GCNT1: variants seen among roughly 807,000 people sequenced by gnomAD.
GCNT1 encodes the protein beta-1,3-galactosyl-O-glycosyl-glycoprotein beta-1,6-N-acetylglucosaminyltransferase.
GCNT1 carries 16 observed loss-of-function variants against 26.2 expected under a neutral mutation model. That is an observed-to-expected ratio of 0.61 (90% CI 0.41 to 0.93). The LOEUF (loss-of-function observed/expected upper bound fraction) is 0.93. Ranked by LOEUF, GCNT1 falls within the 40% of genes least tolerant of loss-of-function variation. The pLI is 0.00. For missense variants in GCNT1, 477 were observed against 526.7 expected (o/e 0.91, Z 0.92); for synonymous variants, 183 against 190.8 (o/e 0.96, Z 0.34).
the GCNT1 span, among the ~76,000 whole-genome samples, chr9:76,397,323 AAGG>A: frequency 3.3e-5 from 5 of 152,032 alleles, no homozygotes; most frequent in East Asian, 1.9e-4. Flanking sequence ...TAAAAAAAAA[AAGG>A]AGAGTCTTGT....
chr9:76,460,162 G>A lies in GCNT1; in HGVS notation c.-305G>A, dbSNP rs1823840642. 1 of 152,274 alleles carries A rather than the reference G, an allele frequency of 6.6e-6. No individual in the cohort carries two copies. Among genetic ancestry groups the A allele is most frequent in the Non-Finnish European group, 1.5e-5 (1 of 68,074 alleles). The allele number at this position is 152,274 out of a possible 1,614,324, so 9.4% of individuals were successfully genotyped here. ...GCCTGCAGATCCCGGCTAGGGCACGGACCGCCTAGGCCGAGGTAGGTTCTG... is the reference window on the plus strand; with the variant it reads ...GCCTGCAGATCCCGGCTAGGGCACGAACCGCCTAGGCCGAGGTAGGTTCTG... On this transcript the variant is annotated 5_prime_UTR_variant, in exon 2 of 4. Coordinates refer to ENST00000376730, the MANE Select transcript of GCNT1 (RefSeq NM_001490.5).
chr9:76,416,318 G>A (rs150363335), upstream of GCNT1, among the ~76,000 whole-genome samples: 1,422 of 152,250 alleles, frequency 9.3e-3, 23 homozygotes, highest in African/African-American at 0.031. Flanking sequence ...CCTTCACTCA[G>A]TAAAACCTCT....
the GCNT1 span, among the ~76,000 whole-genome samples, chr9:76,413,308 C>T: frequency 6.6e-6 from 1 of 152,146 alleles, no homozygotes; most frequent in Non-Finnish European, 1.5e-5. Context: ...GTGAGTGGGA[C>T]ACCTGGTCAC....
chr9:76,485,040 G>A (rs763015112), intron 2 of GCNT1, among the ~76,000 whole-genome samples: 17 of 152,100 alleles, frequency 1.1e-4, no homozygotes, highest in Non-Finnish European at 8.8e-5. Flanking sequence ...GCCCACCTTG[G>A]CCTCCCAAAG....
intron 2 of GCNT1, among the ~76,000 whole-genome samples, chr9:76,473,592 T>C (rs1824187819): frequency 6.6e-6 from 1 of 152,200 alleles, no homozygotes; most frequent in African/African-American, 2.4e-5. Flanking sequence ...ATAAAAACTC[T>C]AAGGTATATA....
intron 2 of GCNT1, among the ~76,000 whole-genome samples, chr9:76,465,924 G>A (rs777116676): frequency 2.6e-5 from 4 of 152,114 alleles, no homozygotes; most frequent in African/African-American, 7.2e-5. Context: ...GAGGAGGAGC[G>A]GGTTGGCACG....
chr9:76,502,536 A>G lies in GCNT1; in HGVS notation c.155A>G (p.Asn52Ser), dbSNP rs1422643932. Residue 52 changes from asparagine to serine, a missense_variant, in exon 4 of 4, where the codon AAT becomes AGT. Coordinates refer to ENST00000376730, the MANE Select transcript of GCNT1 (RefSeq NM_001490.5). ...SVRHLELAGE[N>S]PSSDINCTKV... ...AGACACTTGGAGCTTGCTGGGGAGA[A>G]TCCTAGTAGTGATATTAATTGCACC... 6.2e-7 allele frequency: 1 copy of G among 1,614,098 alleles called. No individual in the cohort carries two copies.
intron 1 of GCNT1, among the ~76,000 whole-genome samples, chr9:76,435,307 A>G (rs1823393064): frequency 6.6e-6 from 1 of 152,008 alleles, no homozygotes. Context: ...CTCTCTTTGT[A>G]GTCTTTCTCT....
chr9:76,485,843 C>T (rs1448522494), intron 2 of GCNT1, among the ~76,000 whole-genome samples: 1 of 152,136 alleles, frequency 6.6e-6, no homozygotes, highest in Non-Finnish European at 1.5e-5. Flanking sequence ...AGTGATTCTC[C>T]TGCCTCAGCC....
the GCNT1 span, among the ~76,000 whole-genome samples, chr9:76,395,528 A>C: frequency 6.6e-6 from 1 of 152,042 alleles, no homozygotes; most frequent in Non-Finnish European, 1.5e-5. Context: ...TCGAGGCTGC[A>C]CTGAGCTATG....
At chr9:76,403,231 T>C in the GCNT1 span, among the ~76,000 whole-genome samples, 1 of 152,220 alleles carries the variant, frequency 6.6e-6, no homozygotes, top group East Asian at 1.9e-4. Flanking sequence ...GCTGCTTTAA[T>C]AGGGTCCACT....
intron 1 of GCNT1, among the ~76,000 whole-genome samples, chr9:76,424,867 T>C (rs1231143333): frequency 1.3e-5 from 2 of 151,776 alleles, no homozygotes; most frequent in Admixed American, 6.6e-5. Context: ...AGGCTGGGAG[T>C]GGTGGCTCAC....
At chr9:76,490,164 C>T (rs1824693105) in intron 2 of GCNT1, among the ~76,000 whole-genome samples, 1 of 152,060 alleles carries the variant, frequency 6.6e-6, no homozygotes, top group Middle Eastern at 3.4e-3. Flanking sequence ...TGCCGGGCAG[C>T]ATCTCGTACT....
intron 1 of GCNT1, among the ~76,000 whole-genome samples, chr9:76,435,780 A>T (rs1208007797): frequency 6.6e-6 from 1 of 152,082 alleles, no homozygotes; most frequent in Non-Finnish European, 1.5e-5. Context: ...CAACATATGA[A>T]TTTGGGGAGG....
chr9:76,408,274 C>G, the GCNT1 span, among the ~76,000 whole-genome samples: 2 of 152,076 alleles, frequency 1.3e-5, no homozygotes, highest in Admixed American at 6.5e-5. Flanking sequence ...GTTCTTTATT[C>G]TATTGAAGAA....
upstream of GCNT1, among the ~76,000 whole-genome samples, chr9:76,437,578 A>C (rs974592238): frequency 6.6e-6 from 1 of 152,214 alleles, no homozygotes; most frequent in African/African-American, 2.4e-5. Context: ...TGCTCTGTCT[A>C]TAGAGTAGCC....
chr9:76,463,769 G>T (rs533978789), intron 2 of GCNT1, among the ~76,000 whole-genome samples: 1 of 152,010 alleles, frequency 6.6e-6, no homozygotes, highest in Non-Finnish European at 1.5e-5. Flanking sequence ...AGTCACACCG[G>T]CTCAGGCTAT....
In GCNT1 at chr9:76,506,342, C is replaced by T. The variant is rs1443442338; in HGVS notation, c.*2674C>T. The T allele has an allele frequency of 6.0e-6, 1 of 166,900 alleles. No homozygotes were observed. Among genetic ancestry groups the T allele is most frequent in the African/African-American group, 2.4e-5 (1 of 41,394 alleles). The allele number at this position is 166,900 out of a possible 1,614,324, so 10.3% of individuals were successfully genotyped here. A position where few individuals can be genotyped will look rare whatever the true frequency, so the allele number is the denominator to read the frequency against. On this transcript the variant is annotated 3_prime_UTR_variant, in exon 4 of 4. Transcript: ENST00000376730. Reference sequence around the variant, plus strand: ...CCTGTAATCTTCAGGATTTCAAGACCAGCCTAGCCAACATGACGAAACCCC... The same window carrying T: ...CCTGTAATCTTCAGGATTTCAAGACTAGCCTAGCCAACATGACGAAACCCC...
At chr9:76,488,446 G>T (rs60588950) in intron 2 of GCNT1, among the ~76,000 whole-genome samples, 1 of 151,808 alleles carries the variant, frequency 6.6e-6, no homozygotes, top group Admixed American at 6.6e-5. Context: ...TGCTTAACTC[G>T]CTGTGAGTGT....
Sources: allele counts gnomAD v4.1 joint callset (sites outside exome capture counted in the v4.1 genomes callset), GRCh38; gene constraint gnomAD v4.1.1; transcripts MANE v1.5; gene names NCBI Gene and HGNC (gene_info 2026-07-23, HGNC 2026-07-21).